The following SNRNP200 variants were observed in gnomAD, a reference collection of about 807,000 sequenced individuals.
The protein encoded by SNRNP200 is U5 small nuclear ribonucleoprotein 200 kDa helicase.
Under a neutral mutation model 255.2 loss-of-function variants are expected in SNRNP200, and 66 were observed. The ratio of observed to expected loss-of-function variants is 0.26; its 90% confidence interval spans 0.21 to 0.32. The LOEUF (loss-of-function observed/expected upper bound fraction) is 0.32. Among genes scored for constraint, SNRNP200 ranks in the 10% least tolerant of loss-of-function variants. SNRNP200 has a pLI of 1.00. For missense variants in SNRNP200, 1,585 were observed against 2,749.8 expected, an observed-to-expected ratio of 0.58 and a Z score of 9.47; for synonymous variants, 939 against 1,027.8, an observed-to-expected ratio of 0.91 and a Z score of 1.65.
chr2:96,276,790 G>T, intron 43 of SNRNP200, 114 bp downstream of exon 43: 1 of 962,900 alleles, frequency 1.0e-6, no homozygotes, highest in Non-Finnish European at 1.7e-6. Flanking sequence ...ACCCTTGTGA[G>T]CTGATTATCA....
At position 96,304,953 on chromosome 2, in the gene SNRNP200, T is replaced by C. The variant is rs980967816; in HGVS notation, c.46-85A>G. On this transcript the variant is annotated intron_variant, in intron 1 of 44. Transcript: ENST00000323853. Reference sequence around the variant, plus strand: ...TAGTTACCCCAGCTGATGGAAAAAATCGTAGTAACTAGTTGCTTATCATCA... The same window carrying C: ...TAGTTACCCCAGCTGATGGAAAAAACCGTAGTAACTAGTTGCTTATCATCA... 4.1e-6 allele frequency: 6 copies of C among 1,452,164 alleles called. No individual in the cohort carries two copies. In the African/African-American group the frequency reaches 8.4e-5, roughly 20 times the overall value. 90.0% of individuals were successfully genotyped at this position (1,452,164 alleles called of 1,614,324 possible). A position where few individuals can be genotyped will look rare whatever the true frequency, so the allele number is the denominator to read the frequency against.
rs2063854850 is a variant in SNRNP200 at position 96,288,095 on chromosome 2, T to C, written c.3259-126A>G. On this transcript the variant is annotated intron_variant, in intron 24 of 44. Coordinates refer to ENST00000323853, the MANE Select transcript of SNRNP200 (RefSeq NM_014014.5). ...CACCCACCCTAACTCAAAGGCAAAG[T>C]CCCCTCTGTCTTTACGCCTTTCTCC... 4.9e-6 allele frequency: 4 copies of C among 808,428 alleles called. 1 individual carries two copies. The South Asian group carries it at 5.6e-5, about 11-fold the overall frequency. 50.1% of individuals were successfully genotyped at this position (808,428 alleles called of 1,614,324 possible).
rs1312953756 is a variant in SNRNP200, at chr2:96,286,079, A to T, written c.4003+232T>A. On this transcript the variant is annotated intron_variant, in intron 29 of 44. Transcript: ENST00000323853. This position sits in a 1 kb window ranked among gnomAD's most constrained non-coding sequence, Gnocchi z 4.8. Reference sequence around the variant, plus strand: ...CTAAGCCTCCTGGGCCCGAGAAATGACCATGCCATGTAAGGCCTTGCTCTA... The same window carrying T: ...CTAAGCCTCCTGGGCCCGAGAAATGTCCATGCCATGTAAGGCCTTGCTCTA... Among the ~76,000 whole-genome samples, 1 of 152,180 alleles carries T rather than the reference A, an allele frequency of 6.6e-6. No individual in the cohort carries two copies. The highest frequency in any genetic ancestry group is 2.4e-5 in the African/African-American group (1 of 41,428).
At chr2:96,299,545 A>C in intron 5 of SNRNP200, 118 bp from the exon 6 acceptor site, 1 of 845,182 alleles carries the variant, frequency 1.2e-6, no homozygotes, top group Non-Finnish European at 2.0e-6. Flanking sequence ...TTGGGGTGAA[A>C]CCGAGAGCCT....
intron 9 of SNRNP200, 54 bp downstream of exon 9, chr2:96,298,230 C>T (rs2063930885): frequency 6.2e-7 from 1 of 1,612,764 alleles, no homozygotes; most frequent in Non-Finnish European, 8.5e-7. Context: ...ATGCTGCAAT[C>T]TTCTAGCCAC....
At chr2:96,280,754 T>C (rs1490849927) in intron 35 of SNRNP200, among the ~76,000 whole-genome samples, 1 of 151,850 alleles carries the variant, frequency 6.6e-6, no homozygotes, top group African/African-American at 2.4e-5. Context: ...TTCACCACAT[T>C]GGCCAGACTG....
intron 3 of SNRNP200, among the ~76,000 whole-genome samples, chr2:96,302,057 C>T (rs897790546): frequency 6.6e-6 from 1 of 152,170 alleles, no homozygotes; most frequent in African/African-American, 2.4e-5. Context: ...GCTCCTCAGA[C>T]TCATAATGGT....
Position 96,286,795 on chromosome 2 carries a change from A to T in SNRNP200, c.3722T>A (p.Leu1241His). 3 of 1,614,208 alleles carry T rather than the reference A, an allele frequency of 1.9e-6. No individual in the cohort carries two copies. Among genetic ancestry groups the T allele is most frequent in the Non-Finnish European group, 2.5e-6 (3 of 1,180,034 alleles). Reference sequence around the variant, plus strand: ...CTCGTCCTGGGCGTACTTGGCCTTGAGGAGAAAATACTCATGGTGCAGAAT... The same window carrying T: ...CTCGTCCTGGGCGTACTTGGCCTTGTGGAGAAAATACTCATGGTGCAGAAT... ...EVILHHEYFL[L>H]KAKYAQDEHL... The change falls in exon 28 of 45, where the codon CTC becomes CAC. Residue 1241 changes from leucine to histidine, a missense_variant. Around this residue, in one of 9 missense-constraint regions of SNRNP200, gnomAD observed 719 missense variants for 1,091.1 expected, o/e 0.66. Transcript: ENST00000323853. This position sits in a 1 kb window ranked among gnomAD's most constrained non-coding sequence, Gnocchi z 4.8.
intron 16 of SNRNP200, 66 bp downstream of exon 16, chr2:96,292,906 C>A: frequency 6.4e-7 from 1 of 1,574,134 alleles, no homozygotes; most frequent in South Asian, 1.1e-5. Flanking sequence ...CAATCTTCCC[C>A]AATTATTGGT....
At chr2:96,302,310 T>C (rs2063958515) in intron 3 of SNRNP200, among the ~76,000 whole-genome samples, 1 of 152,192 alleles carries the variant, frequency 6.6e-6, no homozygotes, top group Admixed American at 6.5e-5. Flanking sequence ...TCAGTAAATA[T>C]AAGCCACTTC....
intron 5 of SNRNP200, among the ~76,000 whole-genome samples, chr2:96,299,947 A>C (rs188322614): frequency 1.8e-3 from 275 of 152,280 alleles, no homozygotes; most frequent in African/African-American, 6.4e-3. Flanking sequence ...AAAATCATCA[A>C]ATCCTATTAA....
chr2:96,291,822 T>C lies in SNRNP200; in HGVS notation c.2239A>G (p.Thr747Ala). Reference protein sequence around the residue: ...AIRDMCLEKDTLGLFLREGSA... With the variant: ...AIRDMCLEKDALGLFLREGSA... ...CCCTCCCTCAGAAACAGACCCAGAG[T>C]GTCCTTTTCTAGGCACATGTCCCGG... The change falls in exon 17 of 45, where the codon ACT becomes GCT. Residue 747 changes from threonine to alanine, a missense_variant. Physicochemically the swap from Thr to Ala is moderately conservative, Grantham distance 58. Transcript: ENST00000323853. The surrounding 1 kb of genome is among the most constrained non-coding windows in gnomAD (Gnocchi z 4.2). The C allele has an allele frequency of 5.6e-6, 9 of 1,613,914 alleles. No homozygotes were observed. The highest frequency in any genetic ancestry group is 1.1e-5 in the South Asian group (1 of 91,076).
In SNRNP200 at chr2:96,287,657, A is replaced by T. The variant is rs1035053851; in HGVS notation, c.3366-100T>A. The T allele has an allele frequency of 4.0e-6, 4 of 1,012,114 alleles. No individual in the cohort carries two copies. The highest frequency in any genetic ancestry group is 6.3e-6 in the Non-Finnish European group (4 of 631,342). The allele number at this position is 1,012,114 out of a possible 1,614,324, so 62.7% of individuals were successfully genotyped here. ...TAGTTTAGCAGTGACTACACAAAAC[A>T]CAGTCATTAAAGGCAGACACTGACA... On this transcript the variant is annotated intron_variant, in intron 25 of 44. Transcript: ENST00000323853. The surrounding 1 kb of genome is among the most constrained non-coding windows in gnomAD (Gnocchi z 5.7).
chr2:96,283,573 G>A lies in SNRNP200; in HGVS notation c.4725C>T (p.Asp1575=), dbSNP rs753076327. The change falls in exon 33 of 45, where the codon GAC becomes GAT. Residue 1575 remains aspartate (D), a synonymous_variant. Transcript: ENST00000323853. This position sits in a 1 kb window ranked among gnomAD's most constrained non-coding sequence, Gnocchi z 4.7. ...TGTCTGCTGCACAGGTGGTGAGGAT[G>A]TCAATGGCAGTGAGGCGGGTCTGCT... is the stretch of plus-strand genomic sequence containing the variant. ...SRKQTRLTAI[D]ILTTCAADIQ... The A allele has an allele frequency of 1.2e-5, 19 of 1,614,024 alleles. No homozygotes were observed. The Admixed American group carries it at 3.0e-4, about 25-fold the overall frequency.
chr2:96,275,083 T>C lies in SNRNP200; in HGVS notation c.6340A>G (p.Met2114Val), dbSNP rs1424221965. ...AATTTGTACTCCTGGTCACATCCCA[T>C]GTAAGCGTCACTCATGAAGTACAGA... ...YTLYFMSDAY[M>V]GCDQEYKFSV... The change falls in exon 45 of 45, where the codon ATG (methionine) becomes GTG (valine). Residue 2114 changes from methionine (M) to valine (V), a missense_variant. Physicochemically the swap from Met to Val is conservative, Grantham distance 21. Coordinates refer to ENST00000323853, the MANE Select transcript of SNRNP200 (RefSeq NM_014014.5). 1.9e-6 allele frequency: 3 copies of C among 1,614,250 alleles called. No homozygotes were observed. Among genetic ancestry groups the C allele is most frequent in the Non-Finnish European group, 2.5e-6 (3 of 1,180,024 alleles).
chr2:96,282,511 T>C (rs1312623655), intron 34 of SNRNP200: 2 of 177,586 alleles, frequency 1.1e-5, no homozygotes, highest in Non-Finnish European at 2.5e-5. Context: ...GGTTTGGATC[T>C]GTGTCTCCAC....
At chr2:96,294,437 T>TA (rs567969180) in intron 14 of SNRNP200, among the ~76,000 whole-genome samples, 4,493 of 143,046 alleles carry the variant, frequency 0.031, 89 homozygotes, top group Non-Finnish European at 0.048. Flanking sequence ...AAACTCCGTC[T>TA]AAAAAAAAAA....
At chr2:96,293,594 TAACC>T in intron 14 of SNRNP200, 85 bp from the exon 15 acceptor site, 22 of 1,263,308 alleles carry the variant, frequency 1.7e-5, no homozygotes, top group Non-Finnish European at 2.4e-5. Context: ...TGTAGGCATA[TAACC>T]TAATATGCCT....
chr2:96,288,040 C>A (rs939471945), intron 24 of SNRNP200, 71 bp from the exon 25 acceptor site: 1 of 1,363,700 alleles, frequency 7.3e-7, no homozygotes, highest in Non-Finnish European at 1.0e-6. Context: ...ACTCTACACA[C>A]GGTTTCATTA....
Sources: gnomAD v4.1 joint callset for allele counts (sites outside exome capture counted in the v4.1 genomes callset) on GRCh38, gnomAD v4.1.1 for gene constraint, gnomAD v4.1.1 regional missense constraint, Gnocchi (gnomAD v3.1) non-coding constraint, MANE v1.5 for transcripts, NCBI Gene and HGNC (gene_info 2026-07-23, HGNC 2026-07-21) for gene names.